Variants in FOXN2 observed in about 807,000 individuals in gnomAD.
The protein encoded by FOXN2 is forkhead box protein N2.
FOXN2 carries 19 observed loss-of-function variants against 41.2 expected under a neutral mutation model. The observed-to-expected ratio is 0.46, with a 90% CI of 0.32 to 0.68. FOXN2 has a LOEUF of 0.68. Among genes scored for constraint, FOXN2 ranks in the 30% least tolerant of loss-of-function variants. FOXN2 has a pLI of 0.03. For synonymous variants in FOXN2, 195 were observed against 176.8 expected (o/e 1.10, Z -0.82); for missense variants, 587 against 509.4 (o/e 1.15, Z -1.47).
intron 3 of FOXN2, among the ~76,000 whole-genome samples, chr2:48,347,634 A>G (rs956049524): frequency 2.0e-5 from 3 of 152,052 alleles, no homozygotes; most frequent in Admixed American, 6.6e-5. Context: ...GGTTTTCAGT[A>G]TACATCTTTA....
At chr2:48,318,121 G>A (rs1161953342) in intron 1 of FOXN2, among the ~76,000 whole-genome samples, 1 of 152,076 alleles carries the variant, frequency 6.6e-6, no homozygotes, top group Non-Finnish European at 1.5e-5. Flanking sequence ...TTGCAAGCTA[G>A]TATACAGAGT....
chr2:48,340,712 C>T (rs1670702275), intron 2 of FOXN2: 1 of 151,946 alleles, frequency 6.6e-6, no homozygotes, highest in Non-Finnish European at 1.5e-5. Flanking sequence ...TCAAAAATTG[C>T]CAGTGCTGAC....
chr2:48,363,977 G>T (rs1406322056), intron 5 of FOXN2, among the ~76,000 whole-genome samples: 1 of 152,086 alleles, frequency 6.6e-6, no homozygotes, highest in Non-Finnish European at 1.5e-5. Context: ...TGCCCACACT[G>T]ATCTTCTGAA....
chr2:48,353,621 G>T (rs112553383), intron 3 of FOXN2, among the ~76,000 whole-genome samples: 68 of 149,324 alleles, frequency 4.6e-4, no homozygotes, highest in African/African-American at 1.6e-3. Flanking sequence ...AGAAAGGGGG[G>T]AGTGATATTA....
chr2:48,357,044 A>G (rs905081785), intron 3 of FOXN2, among the ~76,000 whole-genome samples: 7 of 152,224 alleles, frequency 4.6e-5, no homozygotes, highest in African/African-American at 1.7e-4. Flanking sequence ...AAAATTAGTT[A>G]CAAATAAGTT....
intron 1 of FOXN2, among the ~76,000 whole-genome samples, chr2:48,327,177 T>G (rs1208260758): frequency 6.6e-6 from 1 of 151,664 alleles, no homozygotes; most frequent in Non-Finnish European, 1.5e-5. Flanking sequence ...ATTCAACAGG[T>G]TTTTAAAACA....
At chr2:48,323,172 T>C (rs565617261) in intron 1 of FOXN2, among the ~76,000 whole-genome samples, 1 of 152,304 alleles carries the variant, frequency 6.6e-6, no homozygotes, top group Non-Finnish European at 1.5e-5. Flanking sequence ...CTGTTTTTTT[T>C]TTATAACTGA....
intron 3 of FOXN2, among the ~76,000 whole-genome samples, chr2:48,349,819 T>C (rs1183315180): frequency 6.6e-6 from 1 of 152,204 alleles, no homozygotes; most frequent in Admixed American, 6.5e-5. Flanking sequence ...ATGTAACATA[T>C]GAACTCTTAC....
At position 48,378,669 on chromosome 2, in the gene FOXN2, C is replaced by T. The variant is rs1490958326; in HGVS notation, c.*3226C>T. 1 of 151,040 alleles carries T rather than the reference C, an allele frequency of 6.6e-6. No individual in the cohort carries two copies. Among genetic ancestry groups the T allele is most frequent in the Non-Finnish European group, 1.5e-5 (1 of 67,646 alleles). 9.4% of individuals were successfully genotyped at this position (151,040 alleles called of 1,614,324 possible). A position where few individuals can be genotyped will look rare whatever the true frequency, so the allele number is the denominator to read the frequency against. Reference sequence around the variant, plus strand: ...GTGAGGCTTTCTGGTTTACATATATCTTACAGGTGTTTTTTTGTATTTTTT... The same window carrying T: ...GTGAGGCTTTCTGGTTTACATATATTTTACAGGTGTTTTTTTGTATTTTTT... On this transcript the variant is annotated 3_prime_UTR_variant, in exon 7 of 7. Transcript: ENST00000340553.
intron 1 of FOXN2, among the ~76,000 whole-genome samples, chr2:48,317,516 AAGG>A (rs971174879): frequency 3.4e-5 from 5 of 148,962 alleles, no homozygotes; most frequent in African/African-American, 1.2e-4. Flanking sequence ...ACTAACATTT[AAGG>A]AGCATTTGGT....
chr2:48,351,860 A>G (rs1671470788), intron 3 of FOXN2, among the ~76,000 whole-genome samples: 1 of 152,194 alleles, frequency 6.6e-6, no homozygotes, highest in Non-Finnish European at 1.5e-5. Flanking sequence ...AAAGTTTGCC[A>G]TTGAAGTGTG....
chr2:48,324,817 C>A (rs1244743542), intron 1 of FOXN2, among the ~76,000 whole-genome samples: 4 of 151,940 alleles, frequency 2.6e-5, no homozygotes, highest in Non-Finnish European at 4.4e-5. Flanking sequence ...TAAATAACTA[C>A]AGTAAAAAAG....
chr2:48,315,643 G>C (rs1290906399), intron 1 of FOXN2, among the ~76,000 whole-genome samples: 1 of 152,222 alleles, frequency 6.6e-6, no homozygotes, highest in Non-Finnish European at 1.5e-5. Context: ...AGCCTGTGTG[G>C]AACCCGGCAG....
Position 48,376,299 on chromosome 2 carries a change from T to G in FOXN2, c.*856T>G, listed in dbSNP as rs962020117. ...ATGGAGTACACCCATTTTGACACAC[T>G]TGTAATAAGAGAATCTTTCATTTGC... On this transcript the variant is annotated 3_prime_UTR_variant, in exon 7 of 7. Coordinates refer to ENST00000340553, the MANE Select transcript of FOXN2 (RefSeq NM_002158.4). 4.6e-5 allele frequency: 7 copies of G among 152,092 alleles called. No individual in the cohort carries two copies. Among genetic ancestry groups the G allele is most frequent in the Admixed American group, 3.9e-4 (6 of 15,256 alleles). The allele number at this position is 152,092 out of a possible 1,614,324, so 9.4% of individuals were successfully genotyped here.
At position 48,359,109 on chromosome 2, in the gene FOXN2, A is replaced by G. The variant is rs1245873448; in HGVS notation, c.600A>G (p.Ala200=). 1 of 1,613,798 alleles carries G rather than the reference A, an allele frequency of 6.2e-7. No homozygotes were observed. Among genetic ancestry groups the G allele is most frequent in the Non-Finnish European group, 8.5e-7 (1 of 1,179,814 alleles). The change falls in exon 4 of 7, where the codon GCA becomes GCG. Residue 200 remains alanine (A), a synonymous_variant. Transcript: ENST00000340553. Reference sequence around the variant, plus strand: ...AATATAAACCCAATCTTATCCAGGCACTGAAGAAGCAACCTTTTTCTTCAG... The same window carrying G: ...AATATAAACCCAATCTTATCCAGGCGCTGAAGAAGCAACCTTTTTCTTCAG... ...DPEYKPNLIQ[A]LKKQPFSSAS...
chr2:48,357,514 T>C (rs542744995), intron 3 of FOXN2, among the ~76,000 whole-genome samples: 1 of 152,116 alleles, frequency 6.6e-6, no homozygotes, highest in African/African-American at 2.4e-5. Context: ...CTTTTTTTTT[T>C]TTTGAGACAG....
intron 1 of FOXN2, among the ~76,000 whole-genome samples, chr2:48,325,444 G>A (rs1669594707): frequency 6.6e-6 from 1 of 152,130 alleles, no homozygotes; most frequent in Admixed American, 6.5e-5. Context: ...ACATACATGT[G>A]TGAGTATATA....
At chr2:48,351,807 G>T (rs1159159685) in intron 3 of FOXN2, among the ~76,000 whole-genome samples, 1 of 152,144 alleles carries the variant, frequency 6.6e-6, no homozygotes, top group Admixed American at 6.5e-5. Context: ...CAGCTTGGGG[G>T]TTGGGGACCC....
At chr2:48,317,796 C>T (rs1045892793) in intron 1 of FOXN2, among the ~76,000 whole-genome samples, 3 of 151,282 alleles carry the variant, frequency 2.0e-5, no homozygotes, top group Non-Finnish European at 4.4e-5. Context: ...TTAGTAGAGA[C>T]GGAGTTTTAC....
Sources: allele counts gnomAD v4.1 joint callset (sites outside exome capture counted in the v4.1 genomes callset), GRCh38; gene constraint gnomAD v4.1.1; transcripts MANE v1.5; gene names NCBI Gene and HGNC (gene_info 2026-07-23, HGNC 2026-07-21).